DGKI: variants seen among roughly 807,000 people sequenced by gnomAD.
The protein encoded by DGKI is diacylglycerol kinase iota, also known as DAG kinase iota.
DGKI carries 55 observed loss-of-function variants against 147.5 expected under a neutral mutation model. The ratio of observed to expected loss-of-function variants is 0.37; its 90% confidence interval spans 0.30 to 0.47. The LOEUF is 0.47. DGKI is among the 20% of genes least tolerant of loss of function. The probability of loss-of-function intolerance (pLI) is 1.00; values close to 1 mark genes in which losing one functional copy is unlikely to be tolerated. For missense variants in DGKI, 1,007 were observed against 1,323.8 expected (o/e 0.76, Z 3.71); for synonymous variants, 469 against 477.1 (o/e 0.98, Z 0.22).
At chr7:137,755,352 C>CTTT (rs1234800695) in intron 1 of DGKI, among the ~76,000 whole-genome samples, 1 of 152,120 alleles carries the variant, frequency 6.6e-6, no homozygotes, top group East Asian at 1.9e-4. Context: ...AAGGGTGCAC[C>CTTT]TTTCCATCCA....
At chr7:137,836,087 C>T (rs1002524518) in intron 1 of DGKI, among the ~76,000 whole-genome samples, 3 of 152,024 alleles carry the variant, frequency 2.0e-5, no homozygotes, top group African/African-American at 7.3e-5. Flanking sequence ...TTATTAAGTA[C>T]CTAAATTTAG....
intron 1 of DGKI, among the ~76,000 whole-genome samples, chr7:137,832,211 T>C (rs555471610): frequency 2.6e-5 from 4 of 152,336 alleles, no homozygotes; most frequent in Non-Finnish European, 5.9e-5. Flanking sequence ...GGCCCTCTTC[T>C]CACAGCTTCA....
chr7:137,543,139 T>C (rs896682793), intron 20 of DGKI, among the ~76,000 whole-genome samples: 1 of 152,198 alleles, frequency 6.6e-6, no homozygotes, highest in Non-Finnish European at 1.5e-5. Flanking sequence ...ATTAGCTGAA[T>C]AGGAGTTGGC....
intron 15 of DGKI, 148 bp from the exon 16 acceptor site, chr7:137,578,473 G>A (rs779399769): frequency 3.1e-6 from 2 of 643,906 alleles, no homozygotes; most frequent in South Asian, 1.9e-5. Context: ...CCAGTTCCAG[G>A]CCAGTTAGTA....
At chr7:137,535,526 T>G (rs546504614) in intron 20 of DGKI, among the ~76,000 whole-genome samples, 1 of 152,016 alleles carries the variant, frequency 6.6e-6, no homozygotes, top group African/African-American at 2.4e-5. Context: ...CAAACCTTCC[T>G]GCAAACTTTC....
intron 20 of DGKI, among the ~76,000 whole-genome samples, chr7:137,548,056 G>A (rs561371586): frequency 5.9e-5 from 9 of 152,280 alleles, no homozygotes; most frequent in African/African-American, 1.7e-4. Flanking sequence ...CAAAGCTAAG[G>A]AACACAGGCT....
chr7:137,754,407 T>C (rs544731365), intron 1 of DGKI, among the ~76,000 whole-genome samples: 1 of 152,256 alleles, frequency 6.6e-6, no homozygotes, highest in Admixed American at 6.5e-5. Flanking sequence ...TTTTCAAACA[T>C]CAGCAGGCAC....
intron 6 of DGKI, among the ~76,000 whole-genome samples, chr7:137,638,443 T>TATATATATATAC (rs1213601629): frequency 7.8e-6 from 1 of 127,588 alleles, no homozygotes; most frequent in African/African-American, 3.1e-5. Flanking sequence ...TATATATATA[T>TATATATATATAC]ACACACACAC....
In DGKI at chr7:137,846,796, G is replaced by T; in HGVS notation, c.67C>A (p.Pro23Thr). The T allele has an allele frequency of 2.7e-6, 3 of 1,116,196 alleles. No homozygotes were observed. The highest frequency in any genetic ancestry group is 3.3e-6 in the Non-Finnish European group (3 of 914,606). The allele number at this position is 1,116,196 out of a possible 1,614,324, so 69.1% of individuals were successfully genotyped here. ...LPAARGPARA[P>T]AAAAAAAASP... The stretch of plus-strand genomic sequence containing the variant: ...GCGGCGGCGGCGGCGGCGGCTGCAG[G>T]AGCGCGGGCAGGTCCGCGCGCCGCT... The change falls in exon 1 of 33, where the codon CCT (proline) becomes ACT (threonine). Residue 23 changes from proline to threonine, a missense_variant. Transcript: ENST00000614521. This position sits in a 1 kb window ranked among gnomAD's most constrained non-coding sequence, Gnocchi z 4.0.
At chr7:137,682,390 C>G (rs1459277703) in intron 2 of DGKI, among the ~76,000 whole-genome samples, 2 of 152,132 alleles carry the variant, frequency 1.3e-5, no homozygotes, top group Non-Finnish European at 2.9e-5. Context: ...TTCTCACTTT[C>G]CTAGACCCTA....
intron 17 of DGKI, among the ~76,000 whole-genome samples, chr7:137,575,824 G>A (rs1362817360): frequency 6.6e-6 from 1 of 151,946 alleles, no homozygotes; most frequent in Non-Finnish European, 1.5e-5. Context: ...GCCAAGTGTT[G>A]CTAATAGCAG....
intron 23 of DGKI, among the ~76,000 whole-genome samples, chr7:137,477,101 GT>G (rs987229467): frequency 6.6e-6 from 1 of 152,180 alleles, no homozygotes; most frequent in Non-Finnish European, 1.5e-5. Context: ...TTACCAGACA[GT>G]TTGCTCCTGG....
chr7:137,787,242 C>G lies in DGKI; in HGVS notation c.401+59220G>C, dbSNP rs1796702022. On this transcript the variant is annotated intron_variant, in intron 1 of 32. Transcript: ENST00000614521. Reference sequence around the variant, plus strand: ...ATACATCTGACAAATGACTAATATCCAGAATCTACAAAGAACGCAAACAAA... The same window carrying G: ...ATACATCTGACAAATGACTAATATCGAGAATCTACAAAGAACGCAAACAAA... Among the ~76,000 whole-genome samples, 5 of 151,924 alleles carry G rather than the reference C, an allele frequency of 3.3e-5. 1 individual carries two copies. In the South Asian group the frequency reaches 1.0e-3, roughly 32 times the overall value.
In DGKI at chr7:137,843,350, C is replaced by T. The variant is rs996665464; in HGVS notation, c.401+3112G>A. ...GTATCTGTTGCAGCACCATAATTTG[C>T]AAAGAAAAACGAAGTAGTAATTTTA... On this transcript the variant is annotated intron_variant, in intron 1 of 32. Transcript: ENST00000614521. The T allele has an allele frequency of 7.7e-6, 7 of 905,604 alleles. No individual in the cohort carries two copies. The African/African-American group carries it at 1.3e-4, about 16-fold the overall frequency. 56.1% of individuals were successfully genotyped at this position (905,604 alleles called of 1,614,324 possible).
At chr7:137,434,134 A>C (rs1011462938) in intron 28 of DGKI, among the ~76,000 whole-genome samples, 4 of 146,328 alleles carry the variant, frequency 2.7e-5, no homozygotes, top group Non-Finnish European at 6.0e-5. Flanking sequence ...AAAAAAAAAA[A>C]GTAAACTAGG....
In DGKI at chr7:137,386,821, A is replaced by G. The variant is rs567248052; in HGVS notation, c.*4399T>C. 2 of 152,162 alleles carry G rather than the reference A, an allele frequency of 1.3e-5. No individual in the cohort carries two copies. Among genetic ancestry groups the G allele is most frequent in the Non-Finnish European group, 2.9e-5 (2 of 68,012 alleles). 9.4% of individuals were successfully genotyped at this position (152,162 alleles called of 1,614,324 possible). On this transcript the variant is annotated 3_prime_UTR_variant, in exon 33 of 33. Transcript: ENST00000614521. ...GAGATTCAAAGGTGGTTCAATTAAGATGCAGGCAGAAGCCATTTTATATTA... is the reference window on the plus strand; with the variant it reads ...GAGATTCAAAGGTGGTTCAATTAAGGTGCAGGCAGAAGCCATTTTATATTA...
At chr7:137,592,943 G>A (rs577909664) in intron 12 of DGKI, among the ~76,000 whole-genome samples, 1 of 152,328 alleles carries the variant, frequency 6.6e-6, no homozygotes, top group South Asian at 2.1e-4. Context: ...GAGAGAGGAT[G>A]AAATATAACT....
chr7:137,612,073 T>G (rs1188593552), intron 8 of DGKI, among the ~76,000 whole-genome samples: 1 of 152,178 alleles, frequency 6.6e-6, no homozygotes, highest in Non-Finnish European at 1.5e-5. Flanking sequence ...TGTCTGATCG[T>G]AGAACTCACA....
At chr7:137,721,871 T>C in intron 1 of DGKI, 1 of 660,418 alleles carries the variant, frequency 1.5e-6, no homozygotes, top group Non-Finnish European at 2.5e-6. Flanking sequence ...CATGGTTCCA[T>C]TTGCCCAGAA....
Sources: gnomAD v4.1 joint callset for allele counts (sites outside exome capture counted in the v4.1 genomes callset) on GRCh38, gnomAD v4.1.1 for gene constraint, Gnocchi (gnomAD v3.1) non-coding constraint, MANE v1.5 for transcripts, NCBI Gene and HGNC (gene_info 2026-07-23, HGNC 2026-07-21) for gene names.